Variants in LRGUK observed in about 807,000 individuals in gnomAD.
The protein encoded by LRGUK is leucine-rich repeat and guanylate kinase domain-containing protein.
LRGUK carries 65 observed loss-of-function variants against 76.0 expected under a neutral mutation model. The observed-to-expected ratio is 0.85, with a 90% CI of 0.70 to 1.05. The LOEUF is 1.05. Among genes scored for constraint, LRGUK ranks in the 50% least tolerant of loss-of-function variants. The probability of loss-of-function intolerance (pLI) is 0.00; values close to 1 mark genes in which losing one functional copy is unlikely to be tolerated. For missense variants in LRGUK, 758 were observed against 732.8 expected (o/e 1.03, Z -0.40); for synonymous variants, 268 against 265.6 (o/e 1.01, Z -0.09).
chr7:134,212,598 A>C (rs1801317279), downstream of LRGUK, among the ~76,000 whole-genome samples: 1 of 152,246 alleles, frequency 6.6e-6, no homozygotes, highest in Non-Finnish European at 1.5e-5. Context: ...CCTCTGATTT[A>C]TCTGATTTGT....
intron 13 of LRGUK, 56 bp from the exon 14 acceptor site, chr7:134,199,164 A>G (rs529003168): frequency 2.2e-4 from 321 of 1,467,794 alleles, no homozygotes; most frequent in Non-Finnish European, 2.8e-4. Flanking sequence ...TGGCTCCAAA[A>G]TGATTTCTAA....
chr7:134,161,085 C>T (rs1798710330), intron 6 of LRGUK, among the ~76,000 whole-genome samples: 1 of 152,264 alleles, frequency 6.6e-6, no homozygotes, highest in South Asian at 2.1e-4. Flanking sequence ...ATTAGAGATA[C>T]TGTCGGAAGC....
intron 18 of LRGUK, among the ~76,000 whole-genome samples, chr7:134,256,660 C>A (rs1479904367): frequency 1.3e-5 from 2 of 152,076 alleles, no homozygotes; most frequent in Non-Finnish European, 2.9e-5. Context: ...TCCTTCCTCC[C>A]CTCCAGTTTC....
intron 5 of LRGUK, among the ~76,000 whole-genome samples, chr7:134,151,869 C>G (rs1480045191): frequency 6.6e-6 from 1 of 151,948 alleles, no homozygotes; most frequent in Non-Finnish European, 1.5e-5. Context: ...TCTCAGTAAA[C>G]TAGTAATAGG....
At chr7:134,231,579 T>C (rs1333557296) in intron 16 of LRGUK, among the ~76,000 whole-genome samples, 124 of 14,984 alleles carry the variant, frequency 8.3e-3, no homozygotes, top group Admixed American at 0.012. Flanking sequence ...TTCCTCCCGT[T>C]CTCCCTCCCT....
At chr7:134,173,320 G>T (rs957704977) in intron 7 of LRGUK, among the ~76,000 whole-genome samples, 3 of 152,144 alleles carry the variant, frequency 2.0e-5, no homozygotes, top group Non-Finnish European at 4.4e-5. Context: ...ACTTGGCTTT[G>T]GGTCTAGTTT....
chr7:134,243,837 C>T (rs1802224699), intron 16 of LRGUK, among the ~76,000 whole-genome samples: 1 of 152,188 alleles, frequency 6.6e-6, no homozygotes, highest in African/African-American at 2.4e-5. Flanking sequence ...CAGCATGGTA[C>T]TGGTACCAAA....
At chr7:134,187,239 T>C (rs1800014155) in intron 11 of LRGUK, among the ~76,000 whole-genome samples, 1 of 152,098 alleles carries the variant, frequency 6.6e-6, no homozygotes, top group Non-Finnish European at 1.5e-5. Context: ...TGCTCTTGTT[T>C]AGATTTTCTT....
At chr7:134,183,642 A>T (rs1190442927) in intron 10 of LRGUK, 92 bp from the exon 11 acceptor site, 8 of 1,473,016 alleles carry the variant, frequency 5.4e-6, no homozygotes, top group Non-Finnish European at 7.4e-6. Context: ...GCAAGTGCTC[A>T]TTTAGCCAGG....
At chr7:134,170,093 G>T (rs886410995) in intron 7 of LRGUK, among the ~76,000 whole-genome samples, 3 of 151,932 alleles carry the variant, frequency 2.0e-5, no homozygotes, top group Non-Finnish European at 4.4e-5. Flanking sequence ...AAAAATTTTT[G>T]ATTACCCATG....
chr7:134,157,228 C>T (rs551663706), intron 5 of LRGUK, among the ~76,000 whole-genome samples: 5 of 152,284 alleles, frequency 3.3e-5, no homozygotes, highest in Admixed American at 6.5e-5. Flanking sequence ...TCAATGTAGA[C>T]GGAAAGAAAG....
intron 5 of LRGUK, 94 bp downstream of exon 5, chr7:134,148,413 T>G (rs1264700631): frequency 5.6e-6 from 4 of 710,430 alleles, no homozygotes; most frequent in Non-Finnish European, 9.4e-6. Flanking sequence ...CATGGACTAG[T>G]ACCAGATAAG....
At chr7:134,275,192 T>C in the LRGUK span, among the ~76,000 whole-genome samples, 1 of 152,178 alleles carries the variant, frequency 6.6e-6, no homozygotes, top group Non-Finnish European at 1.5e-5. Flanking sequence ...CAGACTCAGT[T>C]TATAGAATCT....
At chr7:134,176,915 C>A in intron 8 of LRGUK, 62 bp from the exon 9 acceptor site, 1 of 961,210 alleles carries the variant, frequency 1.0e-6, no homozygotes, top group Non-Finnish European at 1.6e-6. Flanking sequence ...AAACCCAATG[C>A]TGGTGCTTGT....
rs569848420 is a variant in LRGUK, at chr7:134,242,974, G to A, written c.1984-4582G>A. Among the ~76,000 whole-genome samples the A allele has an allele frequency of 6.0e-4, 91 of 152,238 alleles. No individual in the cohort carries two copies. In the South Asian group the frequency reaches 8.3e-3, roughly 14 times the overall value. ...AAACCACATGATTATCTCAATACAT[G>A]CAGAAAAGGCCTTTGACAAAATTCA... On this transcript the variant is annotated intron_variant, in intron 16 of 19. Coordinates refer to the LRGUK transcript ENST00000285928.
At chr7:134,176,472 T>A (rs1305895834) in intron 8 of LRGUK, among the ~76,000 whole-genome samples, 2 of 152,070 alleles carry the variant, frequency 1.3e-5, no homozygotes, top group Non-Finnish European at 2.9e-5. Flanking sequence ...CTCCGCCTCC[T>A]GGGTTCATGC....
intron 16 of LRGUK, among the ~76,000 whole-genome samples, chr7:134,242,009 A>C (rs1042163482): frequency 3.3e-5 from 5 of 152,244 alleles, no homozygotes; most frequent in Non-Finnish European, 5.9e-5. Flanking sequence ...GAAACCAATG[A>C]GAACAAAGAC....
chr7:134,238,834 G>A (rs1802070586), intron 16 of LRGUK, among the ~76,000 whole-genome samples: 1 of 152,036 alleles, frequency 6.6e-6, no homozygotes, highest in African/African-American at 2.4e-5. Flanking sequence ...CTTTTAGAAG[G>A]GAGCACAATC....
intron 16 of LRGUK, among the ~76,000 whole-genome samples, chr7:134,233,674 C>G (rs1801952201): frequency 1.3e-5 from 2 of 152,154 alleles, no homozygotes; most frequent in South Asian, 2.1e-4. Context: ...AGAAAAATGC[C>G]TTCTTTTACT....
Sources: allele counts gnomAD v4.1 joint callset (sites outside exome capture counted in the v4.1 genomes callset), GRCh38; gene constraint gnomAD v4.1.1; transcripts MANE v1.5; gene names NCBI Gene and HGNC (gene_info 2026-07-23, HGNC 2026-07-21).